The following NOL4 variants were observed in gnomAD, a reference collection of about 807,000 sequenced individuals.
NOL4 encodes nucleolar protein 4, also known as cancer/testis antigen 125.
NOL4 carries 17 observed loss-of-function variants against 75.9 expected under a neutral mutation model. The observed-to-expected ratio is 0.22, with a 90% CI of 0.15 to 0.34. The LOEUF (loss-of-function observed/expected upper bound fraction) is 0.34. Ranked by LOEUF, NOL4 falls within the 10% of genes least tolerant of loss-of-function variation. NOL4 has a pLI of 1.00. For synonymous variants in NOL4, 292 were observed against 289.9 expected (o/e 1.01, Z -0.07); for missense variants, 614 against 793.5 (o/e 0.77, Z 2.72).
At chr18:34,071,685 T>C (rs1226384181) in intron 5 of NOL4, among the ~76,000 whole-genome samples, 1 of 152,214 alleles carries the variant, frequency 6.6e-6, no homozygotes, top group Non-Finnish European at 1.5e-5. Flanking sequence ...TGTGGGCTAA[T>C]ATAAGTGAAT....
Position 33,936,158 on chromosome 18 carries a change from A to G in NOL4, c.1542+6907T>C, listed in dbSNP as rs965004499. 2.0e-5 allele frequency among the ~76,000 whole-genome samples: 3 copies of G among 152,170 alleles called. No individual in the cohort carries two copies. In the East Asian group the frequency reaches 5.8e-4, roughly 29 times the overall value. ...ATCATGGTATGTTAGATAGTTTTAA[A>G]AAAAAGTCATATTAAAATTGCCCCC... is the stretch of plus-strand genomic sequence containing the variant. On this transcript the variant is annotated intron_variant, in intron 9 of 10. Transcript: ENST00000261592.
At chr18:34,015,804 A>T (rs1293656221) in intron 6 of NOL4, among the ~76,000 whole-genome samples, 1 of 152,116 alleles carries the variant, frequency 6.6e-6, no homozygotes, top group Non-Finnish European at 1.5e-5. Context: ...TGCTTCTTCA[A>T]ATGTTTCTCA....
At chr18:34,080,317 C>A (rs2077947357) in intron 5 of NOL4, among the ~76,000 whole-genome samples, 1 of 152,160 alleles carries the variant, frequency 6.6e-6, no homozygotes, top group Non-Finnish European at 1.5e-5. Context: ...CCCCTGCAAC[C>A]AGATTACATA....
At chr18:33,939,260 G>A (rs182644591) in intron 9 of NOL4, among the ~76,000 whole-genome samples, 1 of 152,134 alleles carries the variant, frequency 6.6e-6, no homozygotes, top group Admixed American at 6.6e-5. Flanking sequence ...AGCTATATGG[G>A]CTCTTTTTTG....
rs1052291099 is a variant in NOL4 at position 34,200,078 on chromosome 18, G to T, written c.264+22912C>A. Reference sequence around the variant, plus strand: ...CAGACCCTGGCACCATCTACAGAGTGTCATCACAGAAGTAAGCAAACTAAG... The same window carrying T: ...CAGACCCTGGCACCATCTACAGAGTTTCATCACAGAAGTAAGCAAACTAAG... On this transcript the variant is annotated intron_variant, in intron 1 of 10. Coordinates refer to ENST00000261592, the MANE Select transcript of NOL4 (RefSeq NM_003787.5). 3.9e-5 allele frequency among the ~76,000 whole-genome samples: 6 copies of T among 151,928 alleles called. No homozygotes were observed. The South Asian group carries it at 1.0e-3, about 26-fold the overall frequency.
At chr18:34,100,545 T>G (rs192315226) in intron 4 of NOL4, among the ~76,000 whole-genome samples, 3 of 152,334 alleles carry the variant, frequency 2.0e-5, no homozygotes, top group African/African-American at 7.2e-5. Context: ...TACATTACTG[T>G]AGACATATTG....
At chr18:33,963,720 G>A (rs984835473) in intron 6 of NOL4, among the ~76,000 whole-genome samples, 4 of 152,096 alleles carry the variant, frequency 2.6e-5, no homozygotes, top group East Asian at 1.9e-4. Flanking sequence ...ATGATAAAAC[G>A]TGGCTTTCCT....
At chr18:33,979,544 C>G (rs1022230252) in intron 6 of NOL4, among the ~76,000 whole-genome samples, 2 of 152,048 alleles carry the variant, frequency 1.3e-5, no homozygotes, top group African/African-American at 4.8e-5. Flanking sequence ...AATACTATAA[C>G]AGGTCCACAA....
intron 2 of NOL4, among the ~76,000 whole-genome samples, chr18:34,110,439 A>G (rs1240439360): frequency 6.6e-6 from 1 of 152,162 alleles, no homozygotes; most frequent in Non-Finnish European, 1.5e-5. Context: ...AAAGTAATAT[A>G]ATCATCTCAA....
intron 2 of NOL4, among the ~76,000 whole-genome samples, chr18:34,119,632 A>AT (rs138273665): frequency 0.025 from 3,826 of 151,094 alleles, 57 homozygotes; most frequent in African/African-American, 0.03. Context: ...TTTTATTTTT[A>AT]TTTTTTTGAA....
In NOL4 at chr18:33,958,341, T is replaced by C. The variant is rs369407422; in HGVS notation, c.1134A>G (p.Leu378=). 7 of 1,613,490 alleles carry C rather than the reference T, an allele frequency of 4.3e-6. No individual in the cohort carries two copies. Among genetic ancestry groups the C allele is most frequent in the Non-Finnish European group, 5.9e-6 (7 of 1,179,734 alleles). The change falls in exon 7 of 11, where the codon CTA becomes CTG. Residue 378 remains leucine, a synonymous_variant. Transcript: ENST00000261592. ...CATCTTCGTCCTCATCTCCCCTGTT[T>C]AGTGAGAGGTCCTCAGCTCCTCGGT... The part of the protein sequence containing the change: ...SVDRGAEDLS[L]NRGDEDEDDH...
chr18:34,058,207 C>A (rs564788823), intron 5 of NOL4, among the ~76,000 whole-genome samples: 1 of 152,270 alleles, frequency 6.6e-6, no homozygotes, highest in South Asian at 2.1e-4. Flanking sequence ...GATCTCGGCT[C>A]ACTGCAAGCT....
At chr18:34,014,887 T>C (rs1326213344) in intron 6 of NOL4, among the ~76,000 whole-genome samples, 1 of 152,068 alleles carries the variant, frequency 6.6e-6, no homozygotes, top group Non-Finnish European at 1.5e-5. Context: ...TTCTATTCAC[T>C]GTTCAATTTT....
intron 1 of NOL4, among the ~76,000 whole-genome samples, chr18:34,148,026 A>G (rs559825417): frequency 1.8e-4 from 27 of 152,136 alleles, no homozygotes; most frequent in African/African-American, 5.8e-4. Context: ...GTATTCTCCA[A>G]TGGGAGTTTG....
chr18:34,218,612 T>C (rs1335265419), intron 1 of NOL4, among the ~76,000 whole-genome samples: 1 of 152,180 alleles, frequency 6.6e-6, no homozygotes, highest in East Asian at 1.9e-4. Context: ...AATCACTAAG[T>C]CAGCTAATAA....
At chr18:33,899,630 G>C (rs2065629363) in intron 9 of NOL4, among the ~76,000 whole-genome samples, 1 of 152,112 alleles carries the variant, frequency 6.6e-6, no homozygotes, top group African/African-American at 2.4e-5. Context: ...CTGAAACAAG[G>C]TATTGAAAAA....
At chr18:34,062,260 T>C (rs1185052768) in intron 5 of NOL4, among the ~76,000 whole-genome samples, 2 of 151,994 alleles carry the variant, frequency 1.3e-5, no homozygotes, top group Non-Finnish European at 2.9e-5. Context: ...GTGCTGTTAA[T>C]AATTAACAGA....
At chr18:34,106,709 T>C (rs1199220792) in intron 2 of NOL4, among the ~76,000 whole-genome samples, 3 of 151,782 alleles carry the variant, frequency 2.0e-5, no homozygotes, top group African/African-American at 7.2e-5. Flanking sequence ...TCTTTCCCTA[T>C]AAACACACAC....
intron 5 of NOL4, among the ~76,000 whole-genome samples, chr18:34,092,511 CA>C (rs1386452003): frequency 6.6e-6 from 1 of 152,094 alleles, no homozygotes; most frequent in East Asian, 1.9e-4. Context: ...CTTGCCAACA[CA>C]AACAGAACAC....
Sources: allele counts gnomAD v4.1 joint callset (sites outside exome capture counted in the v4.1 genomes callset), GRCh38; gene constraint gnomAD v4.1.1; transcripts MANE v1.5; gene names NCBI Gene and HGNC (gene_info 2026-07-23, HGNC 2026-07-21).